NME7: variants seen among roughly 807,000 people sequenced by gnomAD.
NME7 encodes the protein nucleoside diphosphate kinase 7.
A neutral mutation model predicts 49.1 loss-of-function variants in NME7; 41 were observed. The observed-to-expected ratio is 0.83, with a 90% CI of 0.65 to 1.08. The LOEUF is 1.08. Among genes scored for constraint, NME7 ranks in the 50% least tolerant of loss-of-function variants. The pLI, the probability that NME7 is intolerant of heterozygous loss-of-function variation, is 0.00. For synonymous variants in NME7, 139 were observed against 150.6 expected, an observed-to-expected ratio of 0.92 and a Z score of 0.56; for missense variants, 423 against 463.4, an observed-to-expected ratio of 0.91 and a Z score of 0.80.
chr1:169,252,582 G>A (rs553917605), intron 7 of NME7, among the ~76,000 whole-genome samples: 43 of 152,176 alleles, frequency 2.8e-4, no homozygotes, highest in Middle Eastern at 3.4e-3. Context: ...CCCATTTGTC[G>A]ATTTTGTCTT....
At chr1:169,324,337 A>T (rs145122872) in intron 2 of NME7, 56 bp downstream of exon 2, 5 of 1,077,868 alleles carry the variant, frequency 4.6e-6, no homozygotes, top group Non-Finnish European at 7.1e-6. Context: ...ATAAAAGGCA[A>T]TGGTTCCCAT....
chr1:169,151,576 C>T (rs1658916280), intron 11 of NME7, among the ~76,000 whole-genome samples: 2 of 152,006 alleles, frequency 1.3e-5, no homozygotes, highest in African/African-American at 4.8e-5. Flanking sequence ...CTCCGCTAGT[C>T]CCCCCCAGGC....
At chr1:169,217,841 ACAGCTTAAAGCAG>A (rs1661014564) in intron 10 of NME7, among the ~76,000 whole-genome samples, 1 of 152,102 alleles carries the variant, frequency 6.6e-6, no homozygotes, top group African/African-American at 2.4e-5. Context: ...CTCACCTGCC[ACAGCTTAAAGCAG>A]CACTATAAGC....
chr1:169,232,558 G>C (rs915307224), intron 9 of NME7, among the ~76,000 whole-genome samples: 2 of 51,944 alleles, frequency 3.9e-5, no homozygotes, highest in East Asian at 3.3e-4. Flanking sequence ...CAGGGTGTTG[G>C]GGGGGGGGCA....
intron 4 of NME7, among the ~76,000 whole-genome samples, chr1:169,305,673 A>G (rs1037106946): frequency 6.6e-6 from 1 of 152,126 alleles, no homozygotes; most frequent in African/African-American, 2.4e-5. Context: ...TTGCTAATGG[A>G]ACAGCTGGTA....
intron 7 of NME7, among the ~76,000 whole-genome samples, chr1:169,278,056 G>A (rs1271951785): frequency 6.6e-5 from 10 of 151,746 alleles, no homozygotes; most frequent in Non-Finnish European, 1.3e-4. Flanking sequence ...CGAGAGATCC[G>A]CTGTTAGTCT....
chr1:169,294,942 T>C (rs1650649654), intron 6 of NME7, among the ~76,000 whole-genome samples: 1 of 152,118 alleles, frequency 6.6e-6, no homozygotes, highest in Non-Finnish European at 1.5e-5. Context: ...ATCCCATGAA[T>C]AGATTAATGC....
chr1:169,250,545 C>A (rs1270213746), intron 7 of NME7, among the ~76,000 whole-genome samples: 1 of 151,958 alleles, frequency 6.6e-6, no homozygotes, highest in East Asian at 1.9e-4. Context: ...CTTTCTCTAG[C>A]TCCTTGAGGT....
chr1:169,169,182 A>T (rs1659504207), intron 11 of NME7: 1 of 403,720 alleles, frequency 2.5e-6, no homozygotes, highest in East Asian at 5.7e-5. Context: ...TCCAAGGGGA[A>T]CATCACATAC....
At chr1:169,236,687 T>C (rs953467877) in intron 8 of NME7, among the ~76,000 whole-genome samples, 10 of 151,414 alleles carry the variant, frequency 6.6e-5, no homozygotes, top group Admixed American at 5.3e-4. Flanking sequence ...CATTAGTCTT[T>C]AAGTTTTGCT....
chr1:169,288,720 C>G (rs545950057), intron 6 of NME7, among the ~76,000 whole-genome samples: 1 of 152,176 alleles, frequency 6.6e-6, no homozygotes, highest in Admixed American at 6.5e-5. Flanking sequence ...TCCTAAGATA[C>G]CAACTGCCTT....
At chr1:169,310,111 T>G in intron 3 of NME7, 31 bp from the exon 4 acceptor site, 2 of 1,310,442 alleles carry the variant, frequency 1.5e-6, no homozygotes, top group South Asian at 1.3e-5. Flanking sequence ...AGTTTGCAAA[T>G]AAAAATAGTT....
At chr1:169,192,487 T>G (rs1660261141) in intron 10 of NME7, among the ~76,000 whole-genome samples, 1 of 152,156 alleles carries the variant, frequency 6.6e-6, no homozygotes, top group East Asian at 1.9e-4. Context: ...TGTGCATAGA[T>G]CATATGCAAT....
chr1:169,187,552 A>AG (rs2101757522), intron 10 of NME7, among the ~76,000 whole-genome samples: 1 of 152,164 alleles, frequency 6.6e-6, no homozygotes, highest in Non-Finnish European at 1.5e-5. Context: ...GTTTTATCAG[A>AG]GACTAGGATT....
At chr1:169,340,386 T>C (rs958845374) in intron 1 of NME7, among the ~76,000 whole-genome samples, 3 of 152,234 alleles carry the variant, frequency 2.0e-5, no homozygotes, top group Admixed American at 6.5e-5. Flanking sequence ...TCCACAGCCA[T>C]GCAGAACTGT....
At chr1:169,223,898 A>G (rs547966250) in intron 10 of NME7, among the ~76,000 whole-genome samples, 1 of 152,158 alleles carries the variant, frequency 6.6e-6, no homozygotes, top group African/African-American at 2.4e-5. Context: ...CCTTCATATC[A>G]TATCTCCAAT....
At chr1:169,289,511 C>T (rs557889014) in intron 6 of NME7, among the ~76,000 whole-genome samples, 1 of 152,238 alleles carries the variant, frequency 6.6e-6, no homozygotes, top group East Asian at 1.9e-4. Context: ...AGTGGCAAAG[C>T]CAGGATTCAA....
At chr1:169,226,151 T>C (rs770759056) in intron 10 of NME7, among the ~76,000 whole-genome samples, 88 of 152,182 alleles carry the variant, frequency 5.8e-4, no homozygotes, top group Admixed American at 2.2e-3. Context: ...TTTCTTTAGA[T>C]ATGGGAGTGA....
chr1:169,178,669 A>G (rs976495410), intron 10 of NME7, among the ~76,000 whole-genome samples: 3 of 152,164 alleles, frequency 2.0e-5, no homozygotes, highest in African/African-American at 7.2e-5. Context: ...CTGAGGCTCC[A>G]TCTTTCTTCC....
Sources: gnomAD v4.1 joint callset for allele counts (sites outside exome capture counted in the v4.1 genomes callset) on GRCh38, gnomAD v4.1.1 for gene constraint, MANE v1.5 for transcripts, NCBI Gene and HGNC (gene_info 2026-07-23, HGNC 2026-07-21) for gene names.